Variants in NRL observed in about 807,000 individuals in gnomAD.
NRL encodes neural retina-specific leucine zipper protein.
A neutral mutation model predicts 12.5 loss-of-function variants in NRL; 16 were observed. The ratio of observed to expected loss-of-function variants is 1.28; its 90% CI spans 0.87 to 1.95. The LOEUF (loss-of-function observed/expected upper bound fraction) is 1.95, where lower values mean the gene tolerates loss of function less well. Ranked by LOEUF, NRL falls within the 30% of genes most tolerant of loss-of-function variation. The pLI, the probability that NRL is intolerant of heterozygous loss-of-function variation, is 0.00. For synonymous variants in NRL, 142 were observed against 150.9 expected (o/e 0.94, Z 0.43); for missense variants, 314 against 325.8 (o/e 0.96, Z 0.28).
Position 24,082,717 on chromosome 14 carries a change from G to A in NRL, c.132C>T (p.Tyr44=). 6.2e-7 allele frequency: 1 copy of A among 1,614,234 alleles called. No homozygotes were observed. Among genetic ancestry groups the A allele is most frequent in the South Asian group, 1.1e-5 (1 of 91,088 alleles). Residue 44 remains tyrosine (Y), a synonymous_variant, in exon 2 of 3, where the codon TAC becomes TAT. Coordinates refer to ENST00000561028, the MANE Select transcript of NRL (RefSeq NM_001354768.3). ...PPTASLGSTP[Y]SSVPPSPTFS... ...AGGTGGGTGAAGGAGGCACTGAGCT[G>A]TAAGGTGTGGAGCCCAGTGAGGCTG...
chr14:24,098,664 C>T, intron 1 of NRL: 1 of 1,613,726 alleles, frequency 6.2e-7, no homozygotes, highest in Non-Finnish European at 8.5e-7. Flanking sequence ...GTGGGCCAGC[C>T]CCTGACAGGA....
chr14:24,087,996 C>T (rs1254550309), intron 1 of NRL, among the ~76,000 whole-genome samples: 1 of 151,814 alleles, frequency 6.6e-6, no homozygotes, highest in Non-Finnish European at 1.5e-5. Flanking sequence ...CCACTGCACT[C>T]TAGCTTTGGA....
intron 1 of NRL, chr14:24,102,795 C>A (rs759399802): frequency 3.1e-6 from 5 of 1,613,632 alleles, no homozygotes; most frequent in Non-Finnish European, 4.2e-6. Context: ...CGATTTTGTG[C>A]CCCGGCTCGC....
Position 24,094,486 on chromosome 14 carries a change from C to G in NRL, c.-27-11611G>C. The G allele has an allele frequency of 6.7e-7, 1 of 1,485,338 alleles. No homozygotes were observed. The highest frequency in any genetic ancestry group is 8.9e-7 in the Non-Finnish European group (1 of 1,125,042). 92.0% of individuals were successfully genotyped at this position (1,485,338 alleles called of 1,614,324 possible). On this transcript the variant is annotated intron_variant, in intron 1 of 2. Transcript: ENST00000561028. This position sits in a 1 kb window ranked among gnomAD's most constrained non-coding sequence, Gnocchi z 4.1. ...CCCGCACCTTCCGCTGCGCTCGCCC[C>G]CTCGGGGCTGCCAGTGGCGCTCTCC...
Position 24,081,216 on chromosome 14 carries a change from C to T in NRL, c.*20G>A. ...CCACCCCACCCAGCCCCCACTACAC[C>T]ACAAGGTGCTCTGAACGGCTCAGAG... On this transcript the variant is annotated 3_prime_UTR_variant, in exon 3 of 3. Transcript: ENST00000561028. The surrounding 1 kb of genome is among the most constrained non-coding windows in gnomAD (Gnocchi z 4.4). The T allele has an allele frequency of 2.1e-6, 3 of 1,444,818 alleles. No homozygotes were observed. Among genetic ancestry groups the T allele is most frequent in the Non-Finnish European group, 2.7e-6 (3 of 1,094,490 alleles). 89.5% of individuals were successfully genotyped at this position (1,444,818 alleles called of 1,614,324 possible). A position where few individuals can be genotyped will look rare whatever the true frequency, so the allele number is the denominator to read the frequency against.
At chr14:24,098,648 C>G in intron 1 of NRL, 1 of 1,613,920 alleles carries the variant, frequency 6.2e-7, no homozygotes, top group Non-Finnish European at 8.5e-7. Context: ...CAAGTGTCTG[C>G]ACTCCGTGGG....
At position 24,081,956 on chromosome 14, in the gene NRL, C is replaced by G. The variant is rs902047100; in HGVS notation, c.382-388G>C. On this transcript the variant is annotated intron_variant, in intron 2 of 2. Coordinates refer to ENST00000561028, the MANE Select transcript of NRL (RefSeq NM_001354768.3). This position sits in a 1 kb window ranked among gnomAD's most constrained non-coding sequence, Gnocchi z 4.4. ...CGCGCTGCGTTTCCCTGTCCTGAAG[C>G]CTGCAACCCGGTGACCCTCACAGGA... The G allele has an allele frequency of 1.1e-5, 14 of 1,233,324 alleles. No individual in the cohort carries two copies. Among genetic ancestry groups the G allele is most frequent in the Non-Finnish European group, 1.3e-5 (13 of 975,980 alleles). The allele number at this position is 1,233,324 out of a possible 1,614,324, so 76.4% of individuals were successfully genotyped here.
intron 1 of NRL, among the ~76,000 whole-genome samples, chr14:24,092,692 T>A (rs1034455484): frequency 1.3e-5 from 2 of 152,240 alleles, no homozygotes; most frequent in Non-Finnish European, 2.9e-5. Flanking sequence ...AGCCCGTGGC[T>A]GGAGACCAGC....
intron 1 of NRL, among the ~76,000 whole-genome samples, chr14:24,109,515 G>A (rs145433689): frequency 0.02 from 3,069 of 152,092 alleles, 100 homozygotes; most frequent in African/African-American, 0.071. Flanking sequence ...CTAACATGGT[G>A]AAACCCCGTC....
At chr14:24,092,759 T>C (rs1450043183) in intron 1 of NRL, among the ~76,000 whole-genome samples, 3 of 152,218 alleles carry the variant, frequency 2.0e-5, no homozygotes, top group African/African-American at 4.8e-5. Context: ...GAATCAAGAC[T>C]GTTTCTGTTG....
chr14:24,082,948 C>T, intron 1 of NRL, 73 bp from the exon 2 acceptor site: 1 of 1,449,176 alleles, frequency 6.9e-7, no homozygotes, highest in Admixed American at 2.1e-5. Context: ...TCCCTCTTCC[C>T]TCAAAGCCCA....
Position 24,094,747 on chromosome 14 carries a change from ATCC to A in NRL, c.-27-11875_-27-11873del. 2 of 1,467,734 alleles carry A rather than the reference ATCC, an allele frequency of 1.4e-6. No individual in the cohort carries two copies. Among genetic ancestry groups the A allele is most frequent in the Non-Finnish European group, 1.8e-6 (2 of 1,103,558 alleles). 90.9% of individuals were successfully genotyped at this position (1,467,734 alleles called of 1,614,324 possible). A position where few individuals can be genotyped will look rare whatever the true frequency, so the allele number is the denominator to read the frequency against. On this transcript the variant is annotated intron_variant, in intron 1 of 2. Coordinates refer to ENST00000561028, the MANE Select transcript of NRL (RefSeq NM_001354768.3). This position sits in a 1 kb window ranked among gnomAD's most constrained non-coding sequence, Gnocchi z 4.1. The stretch of plus-strand genomic sequence containing the variant: ...TCTCTGCTGAGCCAGGTCTCCGCAT[ATCC>A]TCCTTTCCTTCCCAGATACCTCCCT...
chr14:24,093,992 T>C (rs2036726143), intron 1 of NRL: 1 of 505,334 alleles, frequency 2.0e-6, no homozygotes, highest in South Asian at 3.0e-5. Flanking sequence ...GTTCCTAGCT[T>C]GTTTGCCACC....
chr14:24,081,687 G>A lies in NRL; in HGVS notation c.382-119C>T, dbSNP rs2036312207. Reference sequence around the variant, plus strand: ...CCCCGCCCCGGCTCCCACCTTCACCGGAAGGCTCGCCCTTCCACGCAGTCT... The same window carrying A: ...CCCCGCCCCGGCTCCCACCTTCACCAGAAGGCTCGCCCTTCCACGCAGTCT... On this transcript the variant is annotated intron_variant, in intron 2 of 2. Coordinates refer to ENST00000561028, the MANE Select transcript of NRL (RefSeq NM_001354768.3). The surrounding 1 kb of genome is among the most constrained non-coding windows in gnomAD (Gnocchi z 4.4). The A allele has an allele frequency of 4.6e-6, 7 of 1,526,238 alleles. No individual in the cohort carries two copies. Among genetic ancestry groups the A allele is most frequent in the Non-Finnish European group, 6.1e-6 (7 of 1,138,486 alleles). The allele number at this position is 1,526,238 out of a possible 1,614,324, so 94.5% of individuals were successfully genotyped here. A position where few individuals can be genotyped will look rare whatever the true frequency, so the allele number is the denominator to read the frequency against.
intron 1 of NRL, among the ~76,000 whole-genome samples, chr14:24,091,551 T>G (rs2036631977): frequency 6.6e-6 from 1 of 152,150 alleles, no homozygotes; most frequent in Non-Finnish European, 1.5e-5. Flanking sequence ...GGAAGAGATT[T>G]TAAGCTTAAG....
At chr14:24,096,749 A>C in intron 1 of NRL, 1 of 725,290 alleles carries the variant, frequency 1.4e-6, no homozygotes, top group Non-Finnish European at 2.4e-6. Context: ...CACATCCCAC[A>C]CACCAACTGC....
chr14:24,100,117 G>A, intron 1 of NRL: 4 of 1,613,272 alleles, frequency 2.5e-6, no homozygotes, highest in Non-Finnish European at 3.4e-6. Flanking sequence ...CAATGTGGCT[G>A]AGACCAGTGA....
intron 1 of NRL, chr14:24,084,646 G>A: frequency 2.0e-6 from 2 of 985,462 alleles, no homozygotes; most frequent in Non-Finnish European, 2.4e-6. Context: ...TGGGCACAGA[G>A]CCCAAAGGGC....
Position 24,094,153 on chromosome 14 carries a change from G to C in NRL, c.-27-11278C>G, listed in dbSNP as rs1223296453. On this transcript the variant is annotated intron_variant, in intron 1 of 2. Transcript: ENST00000561028. This position sits in a 1 kb window ranked among gnomAD's most constrained non-coding sequence, Gnocchi z 4.1. ...AGATGGGTTTGGCGGTTTGGAGGCA[G>C]GGGTTGGGGCGGCGGCTGGGCTGAC... 1.8e-6 allele frequency: 1 copy of C among 545,200 alleles called. No individual in the cohort carries two copies. The highest frequency in any genetic ancestry group is 3.2e-6 in the Non-Finnish European group (1 of 312,112). The allele number at this position is 545,200 out of a possible 1,614,324, so 33.8% of individuals were successfully genotyped here.
Sources: allele counts gnomAD v4.1 joint callset (sites outside exome capture counted in the v4.1 genomes callset), GRCh38; gene constraint gnomAD v4.1.1; non-coding constraint Gnocchi (gnomAD v3.1); transcripts MANE v1.5; gene names NCBI Gene and HGNC (gene_info 2026-07-23, HGNC 2026-07-21).